NOL4L: variants seen among roughly 807,000 people sequenced by gnomAD.
NOL4L encodes the protein nucleolar protein 4-like.
Under a neutral mutation model 64.5 loss-of-function variants are expected in NOL4L, and 7 were observed. The observed-to-expected ratio is 0.11, with a 90% CI of 0.06 to 0.20. The LOEUF (loss-of-function observed/expected upper bound fraction) is 0.20. NOL4L is among the 10% of genes least tolerant of loss of function. NOL4L has a pLI of 1.00. For missense variants in NOL4L, 680 were observed against 967.1 expected, an observed-to-expected ratio of 0.70 and a Z score of 3.94; for synonymous variants, 413 against 401.0, an observed-to-expected ratio of 1.03 and a Z score of -0.36.
At chr20:32,505,453 T>G (rs2034936497) in intron 4 of NOL4L, among the ~76,000 whole-genome samples, 1 of 152,152 alleles carries the variant, frequency 6.6e-6, no homozygotes. Context: ...TCAGGCGCAA[T>G]AGCACACATG....
intron 4 of NOL4L, among the ~76,000 whole-genome samples, chr20:32,483,044 G>A (rs1329629653): frequency 4.0e-5 from 6 of 150,358 alleles, no homozygotes; most frequent in Non-Finnish European, 8.9e-5. Context: ...CGCGACCCTG[G>A]GCGCTCAGGG....
chr20:32,554,246 G>A (rs987236647), intron 1 of NOL4L, among the ~76,000 whole-genome samples: 4 of 149,866 alleles, frequency 2.7e-5, no homozygotes, highest in East Asian at 2.0e-4. Flanking sequence ...GCATGAACCC[G>A]GAAGGCAGAG....
intron 4 of NOL4L, among the ~76,000 whole-genome samples, chr20:32,502,465 C>A (rs539804888): frequency 2.0e-5 from 3 of 150,532 alleles, no homozygotes; most frequent in South Asian, 4.2e-4. Context: ...TGGTGGCAGG[C>A]GCCTGTAATT....
At chr20:32,511,219 C>T (rs1356612864) in intron 4 of NOL4L, 128 bp downstream of exon 4, 2 of 616,090 alleles carry the variant, frequency 3.2e-6, no homozygotes, top group Admixed American at 5.6e-5. Flanking sequence ...ACCCAGATAA[C>T]CAGATAAGGG....
chr20:32,579,797 C>T (rs1022789058), intron 1 of NOL4L, among the ~76,000 whole-genome samples: 20 of 152,164 alleles, frequency 1.3e-4, no homozygotes, highest in Non-Finnish European at 2.1e-4. Context: ...CAAAAACGCA[C>T]GCTCTGCCAC....
At chr20:32,493,486 C>T (rs751428066) in intron 4 of NOL4L, among the ~76,000 whole-genome samples, 12 of 152,082 alleles carry the variant, frequency 7.9e-5, no homozygotes, top group South Asian at 4.1e-4. Flanking sequence ...GGCCCTTGCT[C>T]GGTGTGACCT....
At chr20:32,468,115 G>A (rs1396389711) in intron 5 of NOL4L, among the ~76,000 whole-genome samples, 2 of 152,180 alleles carry the variant, frequency 1.3e-5, no homozygotes, top group Non-Finnish European at 2.9e-5. Context: ...GAGAGAAGCT[G>A]TGGCCCAGAG....
chr20:32,473,124 C>T (rs1242649195), intron 5 of NOL4L, among the ~76,000 whole-genome samples: 1 of 152,214 alleles, frequency 6.6e-6, no homozygotes, highest in African/African-American at 2.4e-5. Flanking sequence ...GGAATAACAG[C>T]ATGAGATCTG....
intron 4 of NOL4L, among the ~76,000 whole-genome samples, chr20:32,507,986 G>C (rs762633304): frequency 2.6e-5 from 4 of 152,236 alleles, no homozygotes; most frequent in Admixed American, 6.5e-5. Context: ...ATTCCAGCCA[G>C]GGTGACGGTG....
intron 1 of NOL4L, among the ~76,000 whole-genome samples, chr20:32,540,696 C>T (rs1186483490): frequency 6.6e-6 from 1 of 152,076 alleles, no homozygotes; most frequent in Non-Finnish European, 1.5e-5. Flanking sequence ...GATGGGGATC[C>T]TAGCCCTGCC....
chr20:32,486,275 A>G (rs1165104571), intron 4 of NOL4L, among the ~76,000 whole-genome samples: 1 of 152,172 alleles, frequency 6.6e-6, no homozygotes, highest in African/African-American at 2.4e-5. Flanking sequence ...CATGAGTCCC[A>G]ATGAGGAATC....
At position 32,452,299 on chromosome 20, in the gene NOL4L, AC is replaced by A. The variant is rs2012997455; in HGVS notation, c.1758del (p.Tyr587ThrfsTer4). On this transcript the variant is annotated frameshift_variant, in exon 10 of 11. Transcript: ENST00000621426. LOFTEE classifies it high-confidence loss of function. ...ANGGLNYSYR[G>X]YGALSSNLQP... ...TGCAGGTTGCTGCTCAAGGCCCCGT[AC>A]CCGCGGTAACTGTAGTTGAGGCCGC... is the stretch of plus-strand genomic sequence containing the variant. 6.2e-7 allele frequency: 1 copy of A among 1,606,880 alleles called. No homozygotes were observed. Among genetic ancestry groups the A allele is most frequent in the Non-Finnish European group, 8.5e-7 (1 of 1,176,244 alleles).
intron 4 of NOL4L, among the ~76,000 whole-genome samples, chr20:32,487,855 T>C (rs754279662): frequency 1.2e-4 from 18 of 152,204 alleles, no homozygotes; most frequent in Non-Finnish European, 2.5e-4. Flanking sequence ...GATGGATGAC[T>C]TTGGGCACCA....
chr20:32,528,799 G>A (rs1275118730), intron 1 of NOL4L, among the ~76,000 whole-genome samples: 1 of 152,248 alleles, frequency 6.6e-6, no homozygotes, highest in Non-Finnish European at 1.5e-5. Context: ...CAGACCCAGA[G>A]ACACTAGGCT....
At chr20:32,540,465 C>T (rs1191924841) in intron 1 of NOL4L, among the ~76,000 whole-genome samples, 1 of 152,218 alleles carries the variant, frequency 6.6e-6, no homozygotes, top group Non-Finnish European at 1.5e-5. Flanking sequence ...TGCTCAGAAT[C>T]CCACAGCACT....
chr20:32,477,266 C>A (rs1600710894), intron 4 of NOL4L, among the ~76,000 whole-genome samples: 1 of 152,236 alleles, frequency 6.6e-6, no homozygotes, highest in East Asian at 1.9e-4. Context: ...GACAGCCCCG[C>A]TCCACAGATG....
chr20:32,453,130 A>G lies in NOL4L; in HGVS notation c.1498-124T>C. 6.9e-7 allele frequency: 1 copy of G among 1,455,612 alleles called. No individual in the cohort carries two copies. Among genetic ancestry groups the G allele is most frequent in the Non-Finnish European group, 9.3e-7 (1 of 1,072,618 alleles). The allele number at this position is 1,455,612 out of a possible 1,614,324, so 90.2% of individuals were successfully genotyped here. A position where few individuals can be genotyped will look rare whatever the true frequency, so the allele number is the denominator to read the frequency against. On this transcript the variant is annotated intron_variant, in intron 8 of 10. Coordinates refer to ENST00000621426, the MANE Select transcript of NOL4L (RefSeq NM_001256798.2). This position sits in a 1 kb window ranked among gnomAD's most constrained non-coding sequence, Gnocchi z 5.6. ...TGGGCTCCAGCGCCTCAGTCTATGG[A>G]GCTGTGTGATCTTTCTGGGCCTTAG...
intron 2 of NOL4L, among the ~76,000 whole-genome samples, chr20:32,525,094 G>C (rs962426967): frequency 6.6e-5 from 10 of 152,336 alleles, no homozygotes; most frequent in Non-Finnish European, 1.3e-4. Flanking sequence ...CACGCGGCAG[G>C]CATATGGACG....
At chr20:32,474,173 C>A (rs2015224575) in intron 5 of NOL4L, among the ~76,000 whole-genome samples, 1 of 152,272 alleles carries the variant, frequency 6.6e-6, no homozygotes, top group Non-Finnish European at 1.5e-5. Context: ...CCTGGTCACT[C>A]ACCAGGTGAC....
Sources: gnomAD v4.1 joint callset for allele counts (sites outside exome capture counted in the v4.1 genomes callset) on GRCh38, gnomAD v4.1.1 for gene constraint, Gnocchi (gnomAD v3.1) non-coding constraint, MANE v1.5 for transcripts, NCBI Gene and HGNC (gene_info 2026-07-23, HGNC 2026-07-21) for gene names.